Variants in NXN observed in about 807,000 individuals in gnomAD.
The protein encoded by NXN is nucleoredoxin, also known as nucleoredoxin 1.
A neutral mutation model predicts 48.6 loss-of-function variants in NXN; 16 were observed. The observed-to-expected ratio is 0.33, with a 90% CI of 0.22 to 0.50. NXN has a LOEUF of 0.50. Among genes scored for constraint, NXN ranks in the 20% least tolerant of loss-of-function variants. The probability of loss-of-function intolerance (pLI) is 0.98; values close to 1 mark genes in which losing one functional copy is unlikely to be tolerated. For synonymous variants in NXN, 281 were observed against 269.6 expected, an observed-to-expected ratio of 1.04 and a Z score of -0.41; for missense variants, 492 against 605.5, an observed-to-expected ratio of 0.81 and a Z score of 1.97.
chr17:814,905 A>G (rs1194965659), intron 5 of NXN, among the ~76,000 whole-genome samples: 1 of 152,218 alleles, frequency 6.6e-6, no homozygotes, highest in Non-Finnish European at 1.5e-5. Flanking sequence ...AGCTGGGATT[A>G]TAGGTGACCA....
At chr17:911,584 C>G (rs1335982680) in intron 1 of NXN, among the ~76,000 whole-genome samples, 1 of 151,938 alleles carries the variant, frequency 6.6e-6, no homozygotes, top group Non-Finnish European at 1.5e-5. Flanking sequence ...CCGTCTCAGC[C>G]TCCCAAAGTA....
At position 872,770 on chromosome 17, in the gene NXN, G is replaced by A. The variant is rs184653896; in HGVS notation, c.361-46692C>T. 3.5e-3 allele frequency among the ~76,000 whole-genome samples: 527 copies of A among 152,096 alleles called. 2 individuals carry two copies. The highest frequency in any genetic ancestry group is 0.011 in the African/African-American group (469 of 41,496). On this transcript the variant is annotated intron_variant, in intron 1 of 7. Coordinates refer to ENST00000336868, the MANE Select transcript of NXN (RefSeq NM_022463.5). ...CAAGTAGCTGGGATTACAGGCGCCTGCCACCACGTCCAGCTAATTTTTGTA... is the reference window on the plus strand; with the variant it reads ...CAAGTAGCTGGGATTACAGGCGCCTACCACCACGTCCAGCTAATTTTTGTA...
At chr17:853,723 A>ATATATATATATATAT (rs1491528474) in intron 1 of NXN, among the ~76,000 whole-genome samples, 82 of 105,966 alleles carry the variant, frequency 7.7e-4, no homozygotes, top group Middle Eastern at 6.8e-3. Context: ...ATATATATAT[A>ATATATATATATATAT]TTTTTTTTTT....
chr17:890,593 G>A (rs907183089), intron 1 of NXN, among the ~76,000 whole-genome samples: 2 of 102,946 alleles, frequency 1.9e-5, no homozygotes, highest in Non-Finnish European at 3.4e-5. Context: ...TTGTTAGCCA[G>A]GATGGTCTCG....
intron 1 of NXN, among the ~76,000 whole-genome samples, chr17:955,187 A>T (rs2069152586): frequency 7.9e-6 from 1 of 126,702 alleles, no homozygotes. Flanking sequence ...TTTTTTCCTG[A>T]GACAGAGTCT....
At chr17:828,034 C>T (rs1471425030) in intron 1 of NXN, among the ~76,000 whole-genome samples, 3 of 152,242 alleles carry the variant, frequency 2.0e-5, no homozygotes, top group African/African-American at 4.8e-5. Flanking sequence ...CCCAGCCCCA[C>T]CTTTCCGGGG....
intron 1 of NXN, among the ~76,000 whole-genome samples, chr17:851,698 T>A (rs2067924876): frequency 6.6e-6 from 1 of 152,228 alleles, no homozygotes; most frequent in South Asian, 2.1e-4. Flanking sequence ...CTTATTTACT[T>A]ATTTTGCTTT....
At chr17:872,425 C>T (rs67353496) in intron 1 of NXN, among the ~76,000 whole-genome samples, 39,042 of 151,364 alleles carry the variant, frequency 0.26, 5,259 homozygotes, top group Middle Eastern at 0.37. Context: ...CAGAGGAACA[C>T]GTCAATCAAA....
intron 1 of NXN, among the ~76,000 whole-genome samples, chr17:907,209 C>T (rs954865756): frequency 1.3e-5 from 2 of 152,128 alleles, no homozygotes; most frequent in African/African-American, 4.8e-5. Flanking sequence ...CCCTCCTTGC[C>T]CGACCCAACC....
At chr17:887,789 C>T (rs2068365036) in intron 1 of NXN, among the ~76,000 whole-genome samples, 1 of 146,796 alleles carries the variant, frequency 6.8e-6, no homozygotes, top group Non-Finnish European at 1.5e-5. Flanking sequence ...TTTCCACCTC[C>T]TTTTTCCTAA....
At position 920,583 on chromosome 17, in the gene NXN, G is replaced by A. The variant is rs10902639; in HGVS notation, c.360+58736C>T. 0.27 allele frequency among the ~76,000 whole-genome samples: 41,095 copies of A among 151,908 alleles called. 5,801 individuals carry two copies. The highest frequency in any genetic ancestry group is 0.47 in the East Asian group (2,417 of 5,152). On this transcript the variant is annotated intron_variant, in intron 1 of 7. Transcript: ENST00000336868. This position sits in a 1 kb window ranked among gnomAD's most constrained non-coding sequence, Gnocchi z 4.6. ...GCTCATCCAGGTTCATTCGCCATCC[G>A]TATGCCCTAGCCCAGGGTGGGTCTC...
At chr17:807,710 G>A (rs567713324) in intron 5 of NXN, among the ~76,000 whole-genome samples, 7 of 152,346 alleles carry the variant, frequency 4.6e-5, no homozygotes, top group African/African-American at 1.4e-4. Context: ...TTGGGCCCAA[G>A]GAAGCCACTC....
At chr17:971,461 A>G (rs578156955) in intron 1 of NXN, among the ~76,000 whole-genome samples, 2 of 152,166 alleles carry the variant, frequency 1.3e-5, no homozygotes, top group Admixed American at 1.3e-4. Flanking sequence ...CTGTCATCCC[A>G]GCACTTTGGG....
chr17:889,761 A>AAGAGAAAGAAAG lies in NXN; in HGVS notation c.361-63684_361-63683insCTTTCTTTCTCT, dbSNP rs1555619043. On this transcript the variant is annotated intron_variant, in intron 1 of 7. Coordinates refer to ENST00000336868, the MANE Select transcript of NXN (RefSeq NM_022463.5). Reference sequence around the variant, plus strand: ...AAAGAAAGAAAGAAAGAAAGAAAGAAAAAGAAAGAAAGAAAAGAGAGAGAA... The same window carrying AAGAGAAAGAAAG: ...AAAGAAAGAAAGAAAGAAAGAAAGAAAGAGAAAGAAAGAAAGAAAGAAAGAAAAGAGAGAGAA... Among the ~76,000 whole-genome samples the AAGAGAAAGAAAG allele has an allele frequency of 1.8e-3, 126 of 70,818 alleles. 1 individual carries two copies. The highest frequency in any genetic ancestry group is 3.4e-3 in the African/African-American group (53 of 15,506). The allele number at this position is 70,818 out of a possible 152,430, so 46.5% of individuals were successfully genotyped here.
At chr17:947,761 G>C (rs1045601913) in intron 1 of NXN, among the ~76,000 whole-genome samples, 299 of 147,272 alleles carry the variant, frequency 2.0e-3, no homozygotes, top group African/African-American at 6.8e-3. Flanking sequence ...AAAAGGGCCA[G>C]GCATGGTGGC....
intron 5 of NXN, among the ~76,000 whole-genome samples, chr17:817,687 A>G (rs1039117800): frequency 6.6e-6 from 1 of 151,712 alleles, no homozygotes; most frequent in Non-Finnish European, 1.5e-5. Flanking sequence ...AAAAAAAAAA[A>G]AAGAGCCTGA....
At chr17:818,053 G>A (rs188477381) in intron 5 of NXN, among the ~76,000 whole-genome samples, 2 of 152,048 alleles carry the variant, frequency 1.3e-5, no homozygotes, top group East Asian at 3.9e-4. Flanking sequence ...GAGCCCATGA[G>A]TTCGAGACCA....
intron 1 of NXN, among the ~76,000 whole-genome samples, chr17:885,051 G>A (rs12453349): frequency 0.39 from 58,602 of 152,068 alleles, 13,498 homozygotes; most frequent in East Asian, 0.6. Flanking sequence ...ACCAAGCGGA[G>A]CTGAGTCAGG....
chr17:880,151 T>C (rs1014259632), intron 1 of NXN: 1 of 152,210 alleles, frequency 6.6e-6, no homozygotes, highest in African/African-American at 2.4e-5. Context: ...AAAAGGTCTT[T>C]ATCCTTATTC....
Sources: allele counts gnomAD v4.1 joint callset (sites outside exome capture counted in the v4.1 genomes callset), GRCh38; gene constraint gnomAD v4.1.1; non-coding constraint Gnocchi (gnomAD v3.1); transcripts MANE v1.5; gene names NCBI Gene and HGNC (gene_info 2026-07-23, HGNC 2026-07-21).